Variants in STAG1 observed in about 807,000 individuals in gnomAD.
The protein encoded by STAG1 is STAG1 cohesin complex component.
STAG1 carries 26 observed loss-of-function variants against 170.9 expected under a neutral mutation model. That is an observed-to-expected ratio of 0.15 (90% CI 0.11 to 0.21). The LOEUF is 0.21. Among genes scored for constraint, STAG1 ranks in the 10% least tolerant of loss-of-function variants. The pLI is 1.00. For missense variants in STAG1, 964 were observed against 1,509.5 expected, an observed-to-expected ratio of 0.64 and a Z score of 5.99; for synonymous variants, 514 against 497.7, an observed-to-expected ratio of 1.03 and a Z score of -0.44.
chr3:136,584,279 C>CTA (rs1576633147), intron 4 of STAG1, among the ~76,000 whole-genome samples: 1 of 152,220 alleles, frequency 6.6e-6, no homozygotes, highest in East Asian at 1.9e-4. Context: ...TAAAATTCCT[C>CTA]TATACATTCA....
intron 1 of STAG1, among the ~76,000 whole-genome samples, chr3:136,715,682 C>A (rs764956002): frequency 1.0e-4 from 15 of 149,892 alleles, no homozygotes; most frequent in Non-Finnish European, 2.2e-4. Flanking sequence ...TTTTATTTCA[C>A]AATAAAAGGG....
Position 136,340,606 on chromosome 3 carries a change from C to T in STAG1, c.3558-1G>A, listed in dbSNP as rs768194020. On this transcript the variant is annotated splice_acceptor_variant, in intron 31 of 33. Coordinates refer to ENST00000383202, the MANE Select transcript of STAG1 (RefSeq NM_005862.3). LOFTEE classifies it high-confidence loss of function. ...AGCATCTTCCTCCATTAGACCCCGACTGGTAAGAAAAAGGTATTGTCAGAA... is the reference window on the plus strand; with the variant it reads ...AGCATCTTCCTCCATTAGACCCCGATTGGTAAGAAAAAGGTATTGTCAGAA... The T allele has an allele frequency of 6.2e-7, 1 of 1,601,766 alleles. No homozygotes were observed. The highest frequency in any genetic ancestry group is 1.7e-5 in the Admixed American group (1 of 60,004).
At chr3:136,610,793 T>C (rs958641875) in intron 3 of STAG1, among the ~76,000 whole-genome samples, 2 of 152,212 alleles carry the variant, frequency 1.3e-5, no homozygotes, top group Non-Finnish European at 2.9e-5. Flanking sequence ...CTAAGGGTTT[T>C]GACAAATGCT....
intron 1 of STAG1, among the ~76,000 whole-genome samples, chr3:136,724,735 G>A (rs1933561983): frequency 1.3e-5 from 2 of 152,156 alleles, no homozygotes; most frequent in Admixed American, 1.3e-4. Context: ...TGATGTGGTT[G>A]GGTTTTAGAC....
intron 22 of STAG1, among the ~76,000 whole-genome samples, chr3:136,395,227 C>T (rs2087116706): frequency 6.6e-6 from 1 of 152,104 alleles, no homozygotes; most frequent in African/African-American, 2.4e-5. Flanking sequence ...CAAGGAATTT[C>T]AAAATAATTC....
chr3:136,713,293 T>C (rs974559720), intron 1 of STAG1, among the ~76,000 whole-genome samples: 3 of 151,428 alleles, frequency 2.0e-5, no homozygotes, highest in Admixed American at 2.0e-4. Context: ...ACACAAAAAA[T>C]AGTGTGCAGC....
At chr3:136,569,101 T>C (rs1937176098) in intron 4 of STAG1, among the ~76,000 whole-genome samples, 1 of 152,212 alleles carries the variant, frequency 6.6e-6, no homozygotes, top group South Asian at 2.1e-4. Context: ...AAATCGGACC[T>C]TACCAATCCC....
chr3:136,492,323 T>C (rs1644614504), intron 9 of STAG1, among the ~76,000 whole-genome samples: 1 of 152,212 alleles, frequency 6.6e-6, no homozygotes, highest in African/African-American at 2.4e-5. Context: ...TAAATCAACA[T>C]TGTAACAGTA....
intron 4 of STAG1, among the ~76,000 whole-genome samples, chr3:136,600,326 C>G (rs772119231): frequency 6.6e-6 from 1 of 152,142 alleles, no homozygotes; most frequent in Non-Finnish European, 1.5e-5. Flanking sequence ...TCACATTAGG[C>G]CTTGGCTTCA....
chr3:136,404,342 T>G (rs1319360574), intron 21 of STAG1, among the ~76,000 whole-genome samples: 3 of 152,036 alleles, frequency 2.0e-5, no homozygotes, highest in Non-Finnish European at 4.4e-5. Flanking sequence ...GAAATGGTGT[T>G]CCTAGGAGGA....
At chr3:136,584,633 G>A (rs1937715542) in intron 4 of STAG1, among the ~76,000 whole-genome samples, 2 of 152,156 alleles carry the variant, frequency 1.3e-5, no homozygotes, top group South Asian at 2.1e-4. Context: ...TCTTATTGAA[G>A]ATACATCCAA....
At chr3:136,453,021 C>A (rs930421760) in intron 13 of STAG1, among the ~76,000 whole-genome samples, 1 of 152,202 alleles carries the variant, frequency 6.6e-6, no homozygotes, top group Middle Eastern at 3.4e-3. Context: ...AACTCCTGAC[C>A]TCAAGTGATA....
intron 1 of STAG1, among the ~76,000 whole-genome samples, chr3:136,637,341 AAGAG>A (rs1438049310): frequency 2.6e-5 from 4 of 152,218 alleles, no homozygotes; most frequent in African/African-American, 9.6e-5. Flanking sequence ...AGACTCAAGA[AAGAG>A]AGGAGTAATA....
intron 9 of STAG1, among the ~76,000 whole-genome samples, chr3:136,489,686 G>A (rs1012174470): frequency 2.0e-5 from 3 of 152,120 alleles, no homozygotes; most frequent in African/African-American, 4.8e-5. Context: ...TAATTATAGA[G>A]AATTTTTTGG....
At chr3:136,750,994 G>C (rs368638074) in intron 1 of STAG1, among the ~76,000 whole-genome samples, 49 of 152,212 alleles carry the variant, frequency 3.2e-4, no homozygotes, top group African/African-American at 9.2e-4. Context: ...AAAATGTAGA[G>C]TCATTCAAAT....
At position 136,633,962 on chromosome 3, in the gene STAG1, TAAAAAAAAAA is replaced by T. The variant is rs67810422; in HGVS notation, c.-83-2991_-83-2982del. ...AACATGGTGAAACCCTGTCTCTACT[TAAAAAAAAAA>T]AAAAAAAAAAAAAAAAAAATTAGCC... On this transcript the variant is annotated intron_variant, in intron 1 of 33. Coordinates refer to ENST00000383202, the MANE Select transcript of STAG1 (RefSeq NM_005862.3). 2.8e-3 allele frequency among the ~76,000 whole-genome samples: 141 copies of T among 50,354 alleles called. 1 individual carries two copies. The highest frequency in any genetic ancestry group is 3.1e-3 in the Non-Finnish European group (73 of 23,598). 33.0% of individuals were successfully genotyped at this position (50,354 alleles called of 152,430 possible). A position where few individuals can be genotyped will look rare whatever the true frequency, so the allele number is the denominator to read the frequency against.
At chr3:136,547,961 A>T (rs1936228190) in intron 5 of STAG1, among the ~76,000 whole-genome samples, 1 of 152,156 alleles carries the variant, frequency 6.6e-6, no homozygotes. Context: ...TTTCCCAAAC[A>T]CCATTTGTTG....
chr3:136,357,824 T>C lies in STAG1; in HGVS notation c.2961A>G (p.Lys987=). 6.2e-7 allele frequency: 1 copy of C among 1,602,116 alleles called. No homozygotes were observed. Among genetic ancestry groups the C allele is most frequent in the Non-Finnish European group, 8.5e-7 (1 of 1,176,788 alleles). The change falls in exon 28 of 34, where the codon AAA becomes AAG. Residue 987 remains lysine (K), a synonymous_variant. Transcript: ENST00000383202. Reference sequence around the variant, plus strand: ...ACTCTTGTCCTTTCTGATTTTGGTATTTAAATGCAAACTCTATGCCATCCC... The same window carrying C: ...ACTCTTGTCCTTTCTGATTTTGGTACTTAAATGCAAACTCTATGCCATCCC... ...LHKDGIEFAF[K]YQNQKGQEYP...
chr3:136,453,589 T>G (rs1205990210), intron 13 of STAG1, among the ~76,000 whole-genome samples: 3 of 101,684 alleles, frequency 3.0e-5, no homozygotes, highest in Non-Finnish European at 5.8e-5. Context: ...AGACTATGTC[T>G]CAAAAAAAAA....
Sources: gnomAD v4.1 joint callset for allele counts (sites outside exome capture counted in the v4.1 genomes callset) on GRCh38, gnomAD v4.1.1 for gene constraint, MANE v1.5 for transcripts, NCBI Gene and HGNC (gene_info 2026-07-23, HGNC 2026-07-21) for gene names.